NPAS3: variants seen among roughly 807,000 people sequenced by gnomAD.
NPAS3 encodes neuronal PAS domain-containing protein 3.
NPAS3 carries 14 observed loss-of-function variants against 73.1 expected under a neutral mutation model. The ratio of observed to expected loss-of-function variants is 0.19; its 90% CI spans 0.13 to 0.30. The LOEUF (loss-of-function observed/expected upper bound fraction) is 0.30. NPAS3 is among the 10% of genes least tolerant of loss of function. The pLI, the probability that NPAS3 is intolerant of heterozygous loss-of-function variation, is 1.00. For synonymous variants in NPAS3, 620 were observed against 541.5 expected, an observed-to-expected ratio of 1.14 and a Z score of -2.01; for missense variants, 1,096 against 1,250.0, an observed-to-expected ratio of 0.88 and a Z score of 1.86.
At chr14:33,703,078 G>T (rs2060564169) in intron 6 of NPAS3, among the ~76,000 whole-genome samples, 1 of 152,162 alleles carries the variant, frequency 6.6e-6, no homozygotes, top group Non-Finnish European at 1.5e-5. Flanking sequence ...AATCGCATTA[G>T]TTGGAGGTGG....
chr14:33,606,449 A>G (rs1567048434), intron 5 of NPAS3, among the ~76,000 whole-genome samples: 1 of 152,168 alleles, frequency 6.6e-6, no homozygotes, highest in Non-Finnish European at 1.5e-5. Context: ...TATATGAGGC[A>G]GCTGACTTTC....
At chr14:33,504,785 A>G (rs77271312) in intron 4 of NPAS3, among the ~76,000 whole-genome samples, 11,569 of 152,086 alleles carry the variant, frequency 0.076, 479 homozygotes, top group Middle Eastern at 0.11. Context: ...TGGGGAAGTT[A>G]CAGACAAGTA....
intron 2 of NPAS3, among the ~76,000 whole-genome samples, chr14:33,143,282 A>G (rs2044122279): frequency 6.6e-6 from 1 of 152,196 alleles, no homozygotes; most frequent in South Asian, 2.1e-4. Context: ...ACCTGAGGTC[A>G]GGCGTTCGAG....
At chr14:33,307,011 A>C (rs367834954) in intron 3 of NPAS3, among the ~76,000 whole-genome samples, 2 of 152,138 alleles carry the variant, frequency 1.3e-5, no homozygotes, top group African/African-American at 4.8e-5. Flanking sequence ...CAGGCTGAAT[A>C]ATCTCTTTTT....
intron 2 of NPAS3, among the ~76,000 whole-genome samples, chr14:33,071,220 C>G (rs2041474100): frequency 6.6e-6 from 1 of 152,112 alleles, no homozygotes; most frequent in Non-Finnish European, 1.5e-5. Flanking sequence ...GAGCAACCAT[C>G]AAATAATATG....
At chr14:33,247,904 A>G (rs984075518) in intron 3 of NPAS3, among the ~76,000 whole-genome samples, 2 of 152,352 alleles carry the variant, frequency 1.3e-5, no homozygotes, top group Admixed American at 1.3e-4. Flanking sequence ...ACCTGGAAAG[A>G]CAAGCACCCC....
chr14:33,295,220 A>G (rs766330574), intron 3 of NPAS3, among the ~76,000 whole-genome samples: 4 of 152,218 alleles, frequency 2.6e-5, no homozygotes, highest in Non-Finnish European at 1.5e-5. Flanking sequence ...AAATTAGCCT[A>G]CGATAAAGTC....
At chr14:32,986,846 T>G (rs1255212094) in intron 1 of NPAS3, among the ~76,000 whole-genome samples, 2 of 152,200 alleles carry the variant, frequency 1.3e-5, no homozygotes, top group Admixed American at 6.5e-5. Flanking sequence ...GAGAAATGAA[T>G]GAGGCATGCA....
chr14:33,585,373 A>G (rs547837215), intron 5 of NPAS3, among the ~76,000 whole-genome samples: 3 of 152,344 alleles, frequency 2.0e-5, no homozygotes, highest in African/African-American at 4.8e-5. Context: ...GGACAATGCT[A>G]TAGACCAGCA....
intron 2 of NPAS3, among the ~76,000 whole-genome samples, chr14:33,204,282 A>C (rs1460995287): frequency 6.6e-6 from 1 of 152,172 alleles, no homozygotes; most frequent in Non-Finnish European, 1.5e-5. Flanking sequence ...CCACATAAAA[A>C]CATTTAGGCT....
intron 3 of NPAS3, among the ~76,000 whole-genome samples, chr14:33,323,094 C>T (rs2043531366): frequency 6.6e-6 from 1 of 152,146 alleles, no homozygotes; most frequent in South Asian, 2.1e-4. Flanking sequence ...CTTACAGTAG[C>T]ACCTGGCACA....
At chr14:33,154,314 A>C (rs556083807) in intron 2 of NPAS3, among the ~76,000 whole-genome samples, 26 of 152,342 alleles carry the variant, frequency 1.7e-4, no homozygotes, top group African/African-American at 4.6e-4. Flanking sequence ...GCTTCTGACT[A>C]TACCTTCCCT....
intron 2 of NPAS3, among the ~76,000 whole-genome samples, chr14:33,079,108 A>G (rs2041771566): frequency 6.6e-6 from 1 of 152,112 alleles, no homozygotes. Context: ...ATACTCAGAG[A>G]TGCTTCAGAT....
chr14:33,634,809 A>G (rs1006618411), intron 5 of NPAS3, among the ~76,000 whole-genome samples: 5 of 152,198 alleles, frequency 3.3e-5, no homozygotes, highest in Admixed American at 6.5e-5. Context: ...CAGTCTTGCT[A>G]TTAGCCAAAG....
downstream of NPAS3, chr14:33,802,985 A>T (rs185806786): frequency 2.0e-5 from 3 of 152,266 alleles, no homozygotes; most frequent in East Asian, 5.8e-4. Context: ...CTCAAGGTTA[A>T]TGGAGCCATT....
intron 2 of NPAS3, among the ~76,000 whole-genome samples, chr14:33,099,346 C>T (rs1204590443): frequency 6.6e-6 from 1 of 152,148 alleles, no homozygotes; most frequent in African/African-American, 2.4e-5. Flanking sequence ...ACCATCTTTG[C>T]GTATTCATAC....
chr14:33,059,510 T>C (rs1018621121), intron 2 of NPAS3, among the ~76,000 whole-genome samples: 2 of 152,230 alleles, frequency 1.3e-5, no homozygotes, highest in African/African-American at 4.8e-5. Context: ...CACCTCATAT[T>C]GTAAATATTT....
rs116110563 is a variant in NPAS3, at chr14:33,796,631, C to T, written c.1302-826C>T. 8.8e-3 allele frequency among the ~76,000 whole-genome samples: 1,340 copies of T among 152,252 alleles called. 15 individuals are homozygous for T. The highest frequency in any genetic ancestry group is 0.031 in the African/African-American group (1,289 of 41,552). On this transcript the variant is annotated intron_variant, in intron 10 of 11. Transcript: ENST00000356141. Reference sequence around the variant, plus strand: ...AAGCAGGAGGATTTCCTTGTGCCTTCAGATTACAGGAGCCTACTCTCCTCA... The same window carrying T: ...AAGCAGGAGGATTTCCTTGTGCCTTTAGATTACAGGAGCCTACTCTCCTCA...
intron 2 of NPAS3, among the ~76,000 whole-genome samples, chr14:33,187,662 T>C (rs954496482): frequency 9.2e-5 from 14 of 152,270 alleles, no homozygotes; most frequent in African/African-American, 3.4e-4. Flanking sequence ...CACCTGTGAA[T>C]AGCCACTGCA....
Sources: gnomAD v4.1 joint callset for allele counts (sites outside exome capture counted in the v4.1 genomes callset) on GRCh38, gnomAD v4.1.1 for gene constraint, MANE v1.5 for transcripts, NCBI Gene and HGNC (gene_info 2026-07-23, HGNC 2026-07-21) for gene names.